Variants in TTC28 observed in about 807,000 individuals in gnomAD.
The protein encoded by TTC28 is tetratricopeptide repeat protein 28.
TTC28 carries 61 observed loss-of-function variants against 198.0 expected under a neutral mutation model. The observed-to-expected ratio is 0.31, with a 90% confidence interval of 0.25 to 0.38. The LOEUF is 0.38. Among genes scored for constraint, TTC28 ranks in the 10% least tolerant of loss-of-function variants. TTC28 has a pLI of 1.00. For synonymous variants in TTC28, 1,171 were observed against 1,297.8 expected, an observed-to-expected ratio of 0.90 and a Z score of 2.10; for missense variants, 2,678 against 3,164.0, an observed-to-expected ratio of 0.85 and a Z score of 3.69.
At chr22:28,158,006 C>T (rs1943788578) in intron 6 of TTC28, among the ~76,000 whole-genome samples, 1 of 151,836 alleles carries the variant, frequency 6.6e-6, no homozygotes, top group South Asian at 2.1e-4. Context: ...TGATATTATA[C>T]TTGGAAAAAT....
intron 2 of TTC28, among the ~76,000 whole-genome samples, chr22:28,338,880 A>C (rs1324658823): frequency 1.3e-5 from 2 of 152,136 alleles, no homozygotes; most frequent in Non-Finnish European, 2.9e-5. Flanking sequence ...AACTTGTCAA[A>C]GTCGTTCTCC....
At chr22:28,339,188 G>T (rs922191566) in intron 2 of TTC28, among the ~76,000 whole-genome samples, 1 of 152,162 alleles carries the variant, frequency 6.6e-6, no homozygotes, top group East Asian at 1.9e-4. Context: ...GCAGAACAGC[G>T]GATGCTGCAG....
At chr22:28,170,855 C>A (rs764239169) in intron 5 of TTC28, among the ~76,000 whole-genome samples, 12 of 152,076 alleles carry the variant, frequency 7.9e-5, no homozygotes, top group Non-Finnish European at 1.2e-4. Flanking sequence ...AGCCTCACCA[C>A]CCCCTCTCAG....
intron 6 of TTC28, among the ~76,000 whole-genome samples, chr22:28,126,575 G>A (rs1942918609): frequency 6.6e-6 from 1 of 152,180 alleles, no homozygotes; most frequent in Admixed American, 6.5e-5. Context: ...AAGGAGTTCT[G>A]TGCCTTATTC....
chr22:28,024,146 C>CAG (rs1325165642), intron 13 of TTC28, among the ~76,000 whole-genome samples: 2 of 152,026 alleles, frequency 1.3e-5, no homozygotes, highest in Non-Finnish European at 2.9e-5. Flanking sequence ...GAGTGCACAG[C>CAG]CTGGGAGGGG....
chr22:28,152,790 C>G (rs1057267018), intron 6 of TTC28, among the ~76,000 whole-genome samples: 1 of 152,084 alleles, frequency 6.6e-6, no homozygotes, highest in Non-Finnish European at 1.5e-5. Flanking sequence ...GGCCTCTTTC[C>G]GTAGAAAGAT....
At chr22:28,442,677 G>A (rs544978233) in intron 2 of TTC28, among the ~76,000 whole-genome samples, 1 of 152,338 alleles carries the variant, frequency 6.6e-6, no homozygotes, top group Non-Finnish European at 1.5e-5. Context: ...GGCATATCAT[G>A]AAGGAAAAAC....
chr22:27,990,123 T>A, intron 20 of TTC28, 116 bp from the exon 21 acceptor site: 1 of 1,331,930 alleles, frequency 7.5e-7, no homozygotes, highest in Non-Finnish European at 1.0e-6. Flanking sequence ...GACCCTCTCA[T>A]GAGTGTAGCA....
At chr22:28,630,326 AC>A (rs1219149848) in intron 1 of TTC28, among the ~76,000 whole-genome samples, 2 of 152,098 alleles carry the variant, frequency 1.3e-5, no homozygotes, top group African/African-American at 4.8e-5. Context: ...TCACTCTGTA[AC>A]CCAGGCTACA....
chr22:28,496,097 C>T (rs2048451340), intron 2 of TTC28, among the ~76,000 whole-genome samples: 1 of 152,138 alleles, frequency 6.6e-6, no homozygotes, highest in Non-Finnish European at 1.5e-5. Flanking sequence ...TTTCCTCCTA[C>T]ATCACTGCTT....
rs150378178 is a variant in TTC28 at position 28,063,289 on chromosome 22, G to A, written c.3932+30791C>T. Reference sequence around the variant, plus strand: ...ATGTCCCCCTCATTTTCCAGAGGCTGTGGTTGTCCTGAATGCTGTCATCTG... The same window carrying A: ...ATGTCCCCCTCATTTTCCAGAGGCTATGGTTGTCCTGAATGCTGTCATCTG... On this transcript the variant is annotated intron_variant, in intron 12 of 22. Transcript: ENST00000397906. 1.9e-4 allele frequency among the ~76,000 whole-genome samples: 29 copies of A among 152,304 alleles called. No homozygotes were observed. The East Asian group carries it at 4.8e-3, about 25-fold the overall frequency.
chr22:28,600,396 C>A (rs1487857158), intron 2 of TTC28, among the ~76,000 whole-genome samples: 1 of 151,982 alleles, frequency 6.6e-6, no homozygotes, highest in Non-Finnish European at 1.5e-5. Flanking sequence ...CAAAGCAAGA[C>A]CTTGCTTCAA....
chr22:28,126,069 G>A (rs1004982324), intron 6 of TTC28, among the ~76,000 whole-genome samples: 3 of 152,276 alleles, frequency 2.0e-5, no homozygotes, highest in Non-Finnish European at 2.9e-5. Context: ...CATATGAAAC[G>A]AGAGGATGTT....
intron 2 of TTC28, among the ~76,000 whole-genome samples, chr22:28,424,221 CCCA>C (rs1479702471): frequency 6.6e-6 from 1 of 152,184 alleles, no homozygotes; most frequent in African/African-American, 2.4e-5. Context: ...ACTTTACACT[CCCA>C]CAATAAACAA....
At chr22:28,340,521 T>C (rs895261082) in intron 2 of TTC28, among the ~76,000 whole-genome samples, 9 of 151,362 alleles carry the variant, frequency 5.9e-5, no homozygotes, top group African/African-American at 2.2e-4. Context: ...GGATAAGTAA[T>C]CTGTCACCAC....
chr22:28,410,450 C>T (rs1219380828), intron 2 of TTC28, among the ~76,000 whole-genome samples: 1 of 152,134 alleles, frequency 6.6e-6, no homozygotes, highest in Non-Finnish European at 1.5e-5. Flanking sequence ...CTTAAAATTA[C>T]TTAGGCTTTA....
intron 2 of TTC28, among the ~76,000 whole-genome samples, chr22:28,381,557 G>T (rs964224986): frequency 2.6e-5 from 4 of 152,154 alleles, no homozygotes; most frequent in Non-Finnish European, 4.4e-5. Flanking sequence ...TCCTACAAAT[G>T]TTAGTATAGA....
intron 12 of TTC28, among the ~76,000 whole-genome samples, chr22:28,092,094 A>G (rs1453736929): frequency 6.6e-6 from 1 of 152,172 alleles, no homozygotes; most frequent in Non-Finnish European, 1.5e-5. Flanking sequence ...CTTCTTGTCA[A>G]CCTTTCTAAC....
chr22:28,620,096 A>C (rs13054854), intron 2 of TTC28, among the ~76,000 whole-genome samples: 177 of 152,344 alleles, frequency 1.2e-3, no homozygotes, highest in Non-Finnish European at 1.9e-3. Flanking sequence ...TCACGCCTGT[A>C]ATCCCAGCAC....
Sources: allele counts gnomAD v4.1 joint callset (sites outside exome capture counted in the v4.1 genomes callset), GRCh38; gene constraint gnomAD v4.1.1; transcripts MANE v1.5; gene names NCBI Gene and HGNC (gene_info 2026-07-23, HGNC 2026-07-21).